ABCC4: variants seen among roughly 807,000 people sequenced by gnomAD.
The protein encoded by ABCC4 is ATP-binding cassette sub-family C member 4.
ABCC4 carries 102 observed loss-of-function variants against 168.5 expected under a neutral mutation model. The ratio of observed to expected loss-of-function variants is 0.61; its 90% CI spans 0.52 to 0.71. ABCC4 has a LOEUF of 0.71. Among genes scored for constraint, ABCC4 ranks in the 30% least tolerant of loss-of-function variants. The probability of loss-of-function intolerance (pLI) is 0.00; values close to 1 mark genes in which losing one functional copy is unlikely to be tolerated. For synonymous variants in ABCC4, 617 were observed against 590.7 expected, an observed-to-expected ratio of 1.04 and a Z score of -0.65; for missense variants, 1,402 against 1,605.8, an observed-to-expected ratio of 0.87 and a Z score of 2.17.
intron 20 of ABCC4, among the ~76,000 whole-genome samples, chr13:95,106,877 C>A (rs1249114362): frequency 3.3e-5 from 5 of 152,138 alleles, no homozygotes; most frequent in Non-Finnish European, 5.9e-5. Flanking sequence ...TTCTCTTTCA[C>A]ACATGAAATA....
chr13:95,290,142 AGATAGAT>A (rs1215758803), intron 1 of ABCC4, among the ~76,000 whole-genome samples: 2 of 151,090 alleles, frequency 1.3e-5, no homozygotes, highest in Non-Finnish European at 2.9e-5. Flanking sequence ...ATAGATAGAT[AGATAGAT>A]GATAGATAGA....
At chr13:95,094,865 A>C (rs562151868) in intron 20 of ABCC4, among the ~76,000 whole-genome samples, 7 of 152,282 alleles carry the variant, frequency 4.6e-5, no homozygotes, top group South Asian at 2.1e-4. Flanking sequence ...TAGGACATGA[A>C]GAGAAAATTC....
At chr13:95,139,823 C>G (rs1200859286) in intron 19 of ABCC4, among the ~76,000 whole-genome samples, 1 of 152,198 alleles carries the variant, frequency 6.6e-6, no homozygotes, top group Non-Finnish European at 1.5e-5. Flanking sequence ...AAAGCAACAA[C>G]AAACTCCAGT....
At chr13:95,059,124 G>A (rs3782944) in intron 26 of ABCC4, among the ~76,000 whole-genome samples, 22,754 of 152,220 alleles carry the variant, frequency 0.15, 2,076 homozygotes, top group East Asian at 0.28. Context: ...AGTTCTGATC[G>A]GGGACTGCGC....
intron 20 of ABCC4, 87 bp from the exon 21 acceptor site, chr13:95,083,377 C>T: frequency 6.8e-7 from 1 of 1,470,084 alleles, no homozygotes; most frequent in South Asian, 1.3e-5. Context: ...GATTACACTC[C>T]TTTCTCTGAA....
chr13:95,029,207 TATATATAGAGAGAGAG>T (rs2031724682), intron 30 of ABCC4, among the ~76,000 whole-genome samples: 3 of 52,316 alleles, frequency 5.7e-5, no homozygotes, highest in African/African-American at 2.2e-4. Context: ...TATATATATA[TATATATAGAGAGAGAG>T]AGAGAGAGAG....
intron 20 of ABCC4, among the ~76,000 whole-genome samples, chr13:95,112,476 T>A (rs1027959902): frequency 3.9e-5 from 6 of 152,328 alleles, no homozygotes; most frequent in Non-Finnish European, 8.8e-5. Flanking sequence ...AATGTTCTGG[T>A]AAGTGTAGAA....
chr13:95,279,564 G>A (rs2041060573), intron 1 of ABCC4, among the ~76,000 whole-genome samples: 1 of 152,202 alleles, frequency 6.6e-6, no homozygotes. Flanking sequence ...CTGAAATAAG[G>A]AGGGCAGTAC....
At chr13:95,034,394 C>G (rs754895122) in intron 30 of ABCC4, among the ~76,000 whole-genome samples, 1 of 152,182 alleles carries the variant, frequency 6.6e-6, no homozygotes, top group African/African-American at 2.4e-5. Flanking sequence ...TGCACACACT[C>G]GACCCCCCAA....
chr13:95,279,186 C>G (rs1320905374), intron 1 of ABCC4, among the ~76,000 whole-genome samples: 3 of 152,184 alleles, frequency 2.0e-5, no homozygotes, highest in Non-Finnish European at 4.4e-5. Flanking sequence ...GTTGGAGGCA[C>G]ACGTCACACT....
At chr13:95,109,315 G>A (rs1272878033) in intron 20 of ABCC4, among the ~76,000 whole-genome samples, 11 of 152,100 alleles carry the variant, frequency 7.2e-5, no homozygotes, top group South Asian at 2.1e-4. Flanking sequence ...TCACTAATGC[G>A]AAAGAGAGAC....
intron 9 of ABCC4, among the ~76,000 whole-genome samples, chr13:95,191,532 A>C (rs1344849127): frequency 6.6e-6 from 1 of 152,196 alleles, no homozygotes; most frequent in Non-Finnish European, 1.5e-5. Context: ...GTTAAACAAA[A>C]TGTGACATAT....
chr13:95,221,551 T>C (rs2039311405), intron 4 of ABCC4, among the ~76,000 whole-genome samples: 1 of 152,056 alleles, frequency 6.6e-6, no homozygotes, highest in African/African-American at 2.4e-5. Flanking sequence ...TTACCACAAT[T>C]TTTTTTAATT....
intron 1 of ABCC4, among the ~76,000 whole-genome samples, chr13:95,287,096 T>C (rs1280723488): frequency 1.3e-5 from 2 of 151,436 alleles, no homozygotes; most frequent in Non-Finnish European, 2.9e-5. Context: ...CTCAGCAGTT[T>C]GAAACCAGCC....
At chr13:95,205,419 T>C (rs2139671269) in intron 8 of ABCC4, among the ~76,000 whole-genome samples, 1 of 152,332 alleles carries the variant, frequency 6.6e-6, no homozygotes, top group East Asian at 1.9e-4. Context: ...TGGGCATCCA[T>C]CTCTATTAAG....
chr13:95,106,480 CT>C (rs2139387382), intron 20 of ABCC4, among the ~76,000 whole-genome samples: 1 of 150,684 alleles, frequency 6.6e-6, no homozygotes, highest in Non-Finnish European at 1.5e-5. Flanking sequence ...ATCTGTGATG[CT>C]TTTTTCTAGA....
At chr13:95,276,485 C>A (rs138983720) in intron 1 of ABCC4, among the ~76,000 whole-genome samples, 2 of 144,212 alleles carry the variant, frequency 1.4e-5, no homozygotes, top group African/African-American at 5.1e-5. Context: ...CTAGCCTAGG[C>A]GACAGAGTGA....
At chr13:95,129,985 G>A (rs1355686715) in intron 19 of ABCC4, among the ~76,000 whole-genome samples, 1 of 151,304 alleles carries the variant, frequency 6.6e-6, no homozygotes, top group African/African-American at 2.4e-5. Context: ...TGAGGCAGAA[G>A]AATCGCTTGA....
At chr13:95,218,944 A>AG (rs2039215889) in intron 4 of ABCC4, among the ~76,000 whole-genome samples, 1 of 32,886 alleles carries the variant, frequency 3.0e-5, no homozygotes, top group African/African-American at 1.7e-4. Flanking sequence ...AAAGAAAGAA[A>AG]GAAAGAAAGA....
Sources: gnomAD v4.1 joint callset for allele counts (sites outside exome capture counted in the v4.1 genomes callset) on GRCh38, gnomAD v4.1.1 for gene constraint, MANE v1.5 for transcripts, NCBI Gene and HGNC (gene_info 2026-07-23, HGNC 2026-07-21) for gene names.